The following POFUT3 variants were observed in gnomAD, a reference collection of about 807,000 sequenced individuals.
POFUT3 encodes GDP-fucose protein O-fucosyltransferase 3.
At chr8:33,380,017 A>ATATATATAC in the POFUT3 span, among the ~76,000 whole-genome samples, 4 of 50,456 alleles carry the variant, frequency 7.9e-5, no homozygotes, top group East Asian at 1.3e-3. Flanking sequence ...TATATATAGT[A>ATATATATAC]TATATATATA....
chr8:33,403,479 GC>G, the POFUT3 span, among the ~76,000 whole-genome samples: 1 of 152,130 alleles, frequency 6.6e-6, no homozygotes, highest in African/African-American at 2.4e-5. Context: ...ACTTTGGGAG[GC>G]CGAGGCAGGA....
the POFUT3 span, among the ~76,000 whole-genome samples, chr8:33,346,754 G>A: frequency 6.6e-6 from 1 of 152,058 alleles, no homozygotes; most frequent in African/African-American, 2.4e-5. Context: ...AGAAAGACAT[G>A]AGCCCCCAGG....
chr8:33,440,732 A>G, the POFUT3 span, among the ~76,000 whole-genome samples: 1 of 152,348 alleles, frequency 6.6e-6, no homozygotes, highest in Non-Finnish European at 1.5e-5. Flanking sequence ...ATAAACTGCT[A>G]TTTTAAAACA....
At chr8:33,462,911 A>T in the POFUT3 span, among the ~76,000 whole-genome samples, 1 of 151,918 alleles carries the variant, frequency 6.6e-6, no homozygotes, top group East Asian at 1.9e-4. Context: ...AGCGTAGGCA[A>T]CAGAGCAAGA....
the POFUT3 span, among the ~76,000 whole-genome samples, chr8:33,311,486 G>T: frequency 6.6e-6 from 1 of 152,262 alleles, no homozygotes; most frequent in Non-Finnish European, 1.5e-5. Context: ...TCATCCAAGG[G>T]GATATGACCA....
the POFUT3 span, among the ~76,000 whole-genome samples, chr8:33,423,870 G>A: frequency 2.7e-5 from 4 of 150,472 alleles, no homozygotes; most frequent in African/African-American, 9.8e-5. Flanking sequence ...CGGGGGCGGT[G>A]GCTCACGCCT....
the POFUT3 span, chr8:33,436,361 A>C: frequency 2.9e-6 from 4 of 1,364,884 alleles, no homozygotes; most frequent in Non-Finnish European, 4.2e-6. Flanking sequence ...AGAAGGCATC[A>C]TCTTTCATGA....
the POFUT3 span, among the ~76,000 whole-genome samples, chr8:33,320,283 A>G: frequency 6.6e-6 from 1 of 152,102 alleles, no homozygotes; most frequent in Non-Finnish European, 1.5e-5. Flanking sequence ...ACATTGAAGT[A>G]GAACAAAATA....
At chr8:33,356,739 C>G in the POFUT3 span, among the ~76,000 whole-genome samples, 1 of 152,096 alleles carries the variant, frequency 6.6e-6, no homozygotes, top group Admixed American at 6.5e-5. Context: ...GACATGAAGT[C>G]CTTGCCCATG....
the POFUT3 span, among the ~76,000 whole-genome samples, chr8:33,332,930 TCTC>T: frequency 6.6e-6 from 1 of 152,134 alleles, no homozygotes; most frequent in East Asian, 1.9e-4. Flanking sequence ...ACATATCTGT[TCTC>T]CTTCATCTTC....
the POFUT3 span, among the ~76,000 whole-genome samples, chr8:33,458,074 C>T: frequency 2.0e-5 from 3 of 152,034 alleles, no homozygotes; most frequent in Admixed American, 1.3e-4. Context: ...TGAGTTAAAA[C>T]GGGTGGGCCC....
At chr8:33,329,559 G>A in the POFUT3 span, among the ~76,000 whole-genome samples, 2 of 152,146 alleles carry the variant, frequency 1.3e-5, no homozygotes, top group Admixed American at 6.5e-5. Context: ...ACTGCAAAGG[G>A]AAAGTTAGAC....
the POFUT3 span, among the ~76,000 whole-genome samples, chr8:33,407,094 T>C: frequency 6.6e-6 from 1 of 152,138 alleles, no homozygotes; most frequent in Non-Finnish European, 1.5e-5. Context: ...CCTACCTGCT[T>C]ATAAGAGGAT....
the POFUT3 span, among the ~76,000 whole-genome samples, chr8:33,468,403 G>C: frequency 1.3e-5 from 2 of 151,974 alleles, no homozygotes; most frequent in Non-Finnish European, 2.9e-5. Context: ...AGTCAACTGG[G>C]TTAATAAGCT....
the POFUT3 span, among the ~76,000 whole-genome samples, chr8:33,314,132 T>A: frequency 6.6e-6 from 1 of 152,140 alleles, no homozygotes; most frequent in South Asian, 2.1e-4. Flanking sequence ...CCTGCTAATG[T>A]TTAAAAAGAA....
At chr8:33,358,898 T>C in the POFUT3 span, among the ~76,000 whole-genome samples, 1 of 152,002 alleles carries the variant, frequency 6.6e-6, no homozygotes, top group African/African-American at 2.4e-5. Context: ...TATGAGGTTA[T>C]AGCAAAAAGA....
the POFUT3 span, among the ~76,000 whole-genome samples, chr8:33,355,470 AAAT>A: frequency 7.9e-5 from 12 of 152,128 alleles, no homozygotes; most frequent in African/African-American, 2.7e-4. Context: ...ACACACCTAA[AAAT>A]AATGTTTTAC....
chr8:33,345,547 C>A, the POFUT3 span, among the ~76,000 whole-genome samples: 6 of 151,658 alleles, frequency 4.0e-5, no homozygotes, highest in Non-Finnish European at 8.8e-5. Context: ...ATTATAGGCG[C>A]CTGCCACCAC....
chr8:33,343,592 T>C, the POFUT3 span, among the ~76,000 whole-genome samples: 1 of 152,208 alleles, frequency 6.6e-6, no homozygotes, highest in Non-Finnish European at 1.5e-5. Flanking sequence ...GTAAGAGAGA[T>C]CCAGACCCCA....
Sources: allele counts gnomAD v4.1 joint callset (sites outside exome capture counted in the v4.1 genomes callset), GRCh38; gene constraint gnomAD v4.1.1; transcripts MANE v1.5; gene names NCBI Gene and HGNC (gene_info 2026-07-23, HGNC 2026-07-21).